Variants in ATRNL1 observed in about 807,000 individuals in gnomAD.
ATRNL1 encodes attractin like 1, also known as attractin-like protein 1.
In ATRNL1, 95 loss-of-function variants were observed where a neutral mutation model predicts 182.7. That is an observed-to-expected ratio of 0.52 (90% CI 0.44 to 0.62). ATRNL1 has a LOEUF of 0.62. Ranked by LOEUF, ATRNL1 falls within the 20% of genes least tolerant of loss-of-function variation. The probability of loss-of-function intolerance (pLI) is 0.00; values close to 1 mark genes in which losing one functional copy is unlikely to be tolerated. For synonymous variants in ATRNL1, 576 were observed against 568.3 expected (o/e 1.01, Z -0.19); for missense variants, 1,471 against 1,679.5 (o/e 0.88, Z 2.17).
intron 28 of ATRNL1, among the ~76,000 whole-genome samples, chr10:115,879,270 G>T (rs1037698288): frequency 7.3e-6 from 1 of 137,800 alleles, no homozygotes. Flanking sequence ...TCGTGCCACT[G>T]CAGTCCAGCC....
At chr10:115,450,755 A>C (rs1447401883) in intron 21 of ATRNL1, among the ~76,000 whole-genome samples, 1 of 152,202 alleles carries the variant, frequency 6.6e-6, no homozygotes, top group Non-Finnish European at 1.5e-5. Context: ...AGCATTCTTC[A>C]CAGAACTAGA....
intron 27 of ATRNL1, among the ~76,000 whole-genome samples, chr10:115,761,187 G>T (rs1948727279): frequency 6.6e-6 from 1 of 152,142 alleles, no homozygotes; most frequent in East Asian, 1.9e-4. Context: ...GAAAACTTTT[G>T]TTCTATTATA....
intron 26 of ATRNL1, among the ~76,000 whole-genome samples, chr10:115,592,313 A>G (rs1008550180): frequency 1.3e-4 from 20 of 152,200 alleles, no homozygotes; most frequent in African/African-American, 4.6e-4. Flanking sequence ...CCTCCTGTAG[A>G]GATCTAAAAG....
At chr10:115,885,101 C>T (rs1951912023) in intron 28 of ATRNL1, among the ~76,000 whole-genome samples, 1 of 152,190 alleles carries the variant, frequency 6.6e-6, no homozygotes, top group Non-Finnish European at 1.5e-5. Flanking sequence ...TGTGCACTCA[C>T]TATTGTAATC....
intron 27 of ATRNL1, among the ~76,000 whole-genome samples, chr10:115,766,500 C>T (rs1375706760): frequency 2.0e-5 from 3 of 152,140 alleles, no homozygotes; most frequent in Non-Finnish European, 2.9e-5. Context: ...TTGCCAATAT[C>T]GTCTTTTAGG....
At chr10:115,928,282 A>G (rs1186474987) in intron 28 of ATRNL1, among the ~76,000 whole-genome samples, 1 of 152,060 alleles carries the variant, frequency 6.6e-6, no homozygotes, top group Non-Finnish European at 1.5e-5. Context: ...GTGTTTTTTC[A>G]TGAATGCAAA....
At chr10:115,845,611 C>T (rs914538408) in intron 27 of ATRNL1, among the ~76,000 whole-genome samples, 1 of 151,910 alleles carries the variant, frequency 6.6e-6, no homozygotes, top group Admixed American at 6.6e-5. Context: ...AATCATTTGT[C>T]GTTTTTCTCA....
intron 28 of ATRNL1, among the ~76,000 whole-genome samples, chr10:115,913,015 G>T (rs1284907550): frequency 1.3e-5 from 2 of 152,200 alleles, no homozygotes; most frequent in Non-Finnish European, 2.9e-5. Context: ...GAGATAATGT[G>T]TATGAAAACG....
chr10:115,754,066 A>G (rs575994065), intron 27 of ATRNL1, among the ~76,000 whole-genome samples: 9 of 152,174 alleles, frequency 5.9e-5, no homozygotes, highest in Admixed American at 5.2e-4. Context: ...TAGATTCTGG[A>G]TATTAGCCCT....
intron 8 of ATRNL1, among the ~76,000 whole-genome samples, chr10:115,201,013 G>A (rs1307135860): frequency 6.6e-6 from 1 of 150,988 alleles, no homozygotes; most frequent in Non-Finnish European, 1.5e-5. Flanking sequence ...TCTTTTGGCT[G>A]CATAAATGTC....
chr10:115,259,068 CG>C (rs1204383226), intron 10 of ATRNL1, among the ~76,000 whole-genome samples: 3 of 152,194 alleles, frequency 2.0e-5, no homozygotes, highest in Non-Finnish European at 2.9e-5. Flanking sequence ...TTAGGCTACA[CG>C]GGGGTCAGGG....
chr10:115,501,641 A>G (rs1426693685), intron 24 of ATRNL1, among the ~76,000 whole-genome samples: 3 of 152,234 alleles, frequency 2.0e-5, no homozygotes, highest in African/African-American at 7.2e-5. Context: ...TAAATTCTGT[A>G]GAAATCAGGT....
At chr10:115,626,189 G>A (rs1203511714) in intron 26 of ATRNL1, among the ~76,000 whole-genome samples, 1 of 152,128 alleles carries the variant, frequency 6.6e-6, no homozygotes, top group African/African-American at 2.4e-5. Flanking sequence ...AAAATAAAGA[G>A]AACTTAAAAA....
chr10:115,225,092 T>C (rs1213489773), intron 9 of ATRNL1, among the ~76,000 whole-genome samples: 1 of 152,094 alleles, frequency 6.6e-6, no homozygotes, highest in Non-Finnish European at 1.5e-5. Context: ...TTTAGTATTG[T>C]CTTTTCCATG....
intron 26 of ATRNL1, among the ~76,000 whole-genome samples, chr10:115,629,841 A>G (rs1858366191): frequency 6.6e-6 from 1 of 152,150 alleles, no homozygotes. Context: ...TCTAAATCGG[A>G]TTGAGGAATA....
intron 27 of ATRNL1, among the ~76,000 whole-genome samples, chr10:115,815,404 GGTGTGTGTGTAT>G (rs1409345207): frequency 2.0e-5 from 2 of 97,958 alleles, no homozygotes; most frequent in African/African-American, 6.9e-5. Context: ...ACTGGTATGT[GGTGTGTGTGTAT>G]GTGTGTGTGT....
At chr10:115,241,002 GC>G (rs1402231953) in intron 9 of ATRNL1, among the ~76,000 whole-genome samples, 1 of 151,960 alleles carries the variant, frequency 6.6e-6, no homozygotes, top group Non-Finnish European at 1.5e-5. Context: ...ATGAATTTAT[GC>G]TGTTAGAATA....
At chr10:115,651,533 A>G (rs1296315650) in intron 26 of ATRNL1, among the ~76,000 whole-genome samples, 5 of 152,130 alleles carry the variant, frequency 3.3e-5, no homozygotes, top group African/African-American at 4.8e-5. Flanking sequence ...CGATGTATCT[A>G]TATGTGGATC....
At chr10:115,697,930 G>A (rs182536555) in intron 26 of ATRNL1, among the ~76,000 whole-genome samples, 39 of 152,244 alleles carry the variant, frequency 2.6e-4, no homozygotes, top group Admixed American at 2.2e-3. Flanking sequence ...AATTTAATGC[G>A]ATATAATTGA....
Sources: allele counts gnomAD v4.1 joint callset (sites outside exome capture counted in the v4.1 genomes callset), GRCh38; gene constraint gnomAD v4.1.1; transcripts MANE v1.5; gene names NCBI Gene and HGNC (gene_info 2026-07-23, HGNC 2026-07-21).